The following GRID2 variants were observed in gnomAD, a reference collection of about 807,000 sequenced individuals.
The protein encoded by GRID2 is glutamate receptor ionotropic, delta-2.
A neutral mutation model predicts 114.8 loss-of-function variants in GRID2; 33 were observed. The ratio of observed to expected loss-of-function variants is 0.29; its 90% CI spans 0.22 to 0.38. The LOEUF is 0.38. Ranked by LOEUF, GRID2 falls within the 10% of genes least tolerant of loss-of-function variation. The pLI, the probability that GRID2 is intolerant of heterozygous loss-of-function variation, is 1.00. For missense variants in GRID2, 1,184 were observed against 1,257.7 expected, an observed-to-expected ratio of 0.94 and a Z score of 0.89; for synonymous variants, 505 against 449.9, an observed-to-expected ratio of 1.12 and a Z score of -1.55.
chr4:93,183,450 G>A (rs1196243240), intron 4 of GRID2, among the ~76,000 whole-genome samples: 1 of 152,186 alleles, frequency 6.6e-6, no homozygotes, highest in Non-Finnish European at 1.5e-5. Context: ...CACGTGTGAT[G>A]AATTTGTTCT....
chr4:93,288,356 C>A (rs577120717), intron 8 of GRID2, among the ~76,000 whole-genome samples: 5 of 152,246 alleles, frequency 3.3e-5, no homozygotes, highest in Admixed American at 3.3e-4. Context: ...CCAAATAGAG[C>A]ATTTCTATTC....
At chr4:92,942,668 C>T (rs376256823) in intron 2 of GRID2, among the ~76,000 whole-genome samples, 18 of 152,182 alleles carry the variant, frequency 1.2e-4, no homozygotes, top group African/African-American at 3.1e-4. Context: ...CTAGCCTTGA[C>T]GGTCTTTACA....
chr4:92,862,603 A>G (rs996306088), intron 2 of GRID2, among the ~76,000 whole-genome samples: 14 of 152,208 alleles, frequency 9.2e-5, no homozygotes, highest in African/African-American at 3.4e-4. Context: ...TTCCTGTGCC[A>G]TCACCAACTA....
rs1755700040 is a variant in GRID2, at chr4:93,308,741, TC to T, written c.1245+70252del. Among the ~76,000 whole-genome samples, 24 of 152,258 alleles carry T rather than the reference TC, an allele frequency of 1.6e-4. No homozygotes were observed. In the South Asian group the frequency reaches 5.0e-3, roughly 32 times the overall value. On this transcript the variant is annotated intron_variant, in intron 8 of 15. Transcript: ENST00000282020. ...TCTTACAATGTACACAAAATGGCTG[TC>T]ACCAATGCAATAAGACTTTTTCCAA... is the stretch of plus-strand genomic sequence containing the variant.
chr4:93,349,881 A>T (rs954920742), intron 8 of GRID2, among the ~76,000 whole-genome samples: 1 of 152,144 alleles, frequency 6.6e-6, no homozygotes, highest in Non-Finnish European at 1.5e-5. Flanking sequence ...TAATTATGAT[A>T]AAATAAATAA....
intron 14 of GRID2, among the ~76,000 whole-genome samples, chr4:93,668,850 A>G (rs1724164145): frequency 6.6e-6 from 1 of 152,102 alleles, no homozygotes; most frequent in Non-Finnish European, 1.5e-5. Context: ...TTTAACAAAT[A>G]TTTTGTAAAA....
chr4:93,730,858 C>A (rs1730422151), intron 14 of GRID2, among the ~76,000 whole-genome samples: 1 of 152,178 alleles, frequency 6.6e-6, no homozygotes, highest in South Asian at 2.1e-4. Context: ...TGAATGATGG[C>A]ACTGGGGGTA....
intron 12 of GRID2, among the ~76,000 whole-genome samples, chr4:93,493,657 T>C (rs1167482634): frequency 6.6e-6 from 1 of 151,742 alleles, no homozygotes; most frequent in Non-Finnish European, 1.5e-5. Flanking sequence ...TAGTTATTAC[T>C]AACTTTGCCA....
At chr4:93,374,735 T>A (rs1002248715) in intron 8 of GRID2, among the ~76,000 whole-genome samples, 1 of 152,158 alleles carries the variant, frequency 6.6e-6, no homozygotes, top group East Asian at 1.9e-4. Context: ...AAAATCATAT[T>A]GTAGATATTT....
At chr4:92,888,288 G>A (rs1214042555) in intron 2 of GRID2, among the ~76,000 whole-genome samples, 4 of 152,082 alleles carry the variant, frequency 2.6e-5, no homozygotes, top group Non-Finnish European at 5.9e-5. Flanking sequence ...GTAGAATAAA[G>A]GGCTCAGAAG....
intron 2 of GRID2, among the ~76,000 whole-genome samples, chr4:92,910,126 G>A (rs551165762): frequency 7.9e-5 from 12 of 152,024 alleles, no homozygotes; most frequent in African/African-American, 2.7e-4. Context: ...TAGGATGGAT[G>A]ATGTGGACAT....
At chr4:93,490,880 C>T in intron 12 of GRID2, 103 bp downstream of exon 12, 1 of 743,756 alleles carries the variant, frequency 1.3e-6, no homozygotes, top group Non-Finnish European at 2.2e-6. Context: ...AAATGTACAA[C>T]TTCTCTTTGA....
chr4:92,561,504 C>G (rs915691272), intron 1 of GRID2, among the ~76,000 whole-genome samples: 1 of 152,124 alleles, frequency 6.6e-6, no homozygotes, highest in African/African-American at 2.4e-5. Flanking sequence ...TCTCCACAGG[C>G]CCTGAAATTC....
intron 1 of GRID2, among the ~76,000 whole-genome samples, chr4:92,441,266 C>T (rs1052636268): frequency 5.3e-5 from 8 of 151,878 alleles, no homozygotes; most frequent in East Asian, 1.9e-4. Context: ...AGAATTATGC[C>T]GAGATAGGTA....
At chr4:92,623,773 T>C (rs996481973) in intron 2 of GRID2, among the ~76,000 whole-genome samples, 2 of 151,850 alleles carry the variant, frequency 1.3e-5, no homozygotes, top group African/African-American at 4.8e-5. Flanking sequence ...GGCAGAACCA[T>C]TGAGTTGGAA....
At chr4:92,952,636 G>A (rs1752115961) in intron 2 of GRID2, among the ~76,000 whole-genome samples, 1 of 152,154 alleles carries the variant, frequency 6.6e-6, no homozygotes, top group South Asian at 2.1e-4. Flanking sequence ...ATAGCATAGT[G>A]ACTAAACATA....
At chr4:93,746,943 T>G (rs1731892741) in intron 14 of GRID2, among the ~76,000 whole-genome samples, 1 of 152,094 alleles carries the variant, frequency 6.6e-6, no homozygotes, top group Non-Finnish European at 1.5e-5. Flanking sequence ...ACAGAAGGAT[T>G]AGAGAATTTT....
chr4:93,700,243 G>C (rs1727392780), intron 14 of GRID2, among the ~76,000 whole-genome samples: 1 of 152,094 alleles, frequency 6.6e-6, no homozygotes, highest in Non-Finnish European at 1.5e-5. Context: ...AGACAGTCAA[G>C]TGGAGAGATT....
At chr4:93,419,948 C>T (rs780790373) in intron 9 of GRID2, among the ~76,000 whole-genome samples, 1 of 152,038 alleles carries the variant, frequency 6.6e-6, no homozygotes, top group Non-Finnish European at 1.5e-5. Flanking sequence ...TATCATTTAC[C>T]TATGCAATAA....
Sources: gnomAD v4.1 joint callset for allele counts (sites outside exome capture counted in the v4.1 genomes callset) on GRCh38, gnomAD v4.1.1 for gene constraint, MANE v1.5 for transcripts, NCBI Gene and HGNC (gene_info 2026-07-23, HGNC 2026-07-21) for gene names.